Variants in ZNF365 observed in about 807,000 individuals in gnomAD.
The protein encoded by ZNF365 is zinc finger protein 365.
A neutral mutation model predicts 35.0 loss-of-function variants in ZNF365; 22 were observed. That is an observed-to-expected ratio of 0.63 (90% CI 0.45 to 0.90). The LOEUF is 0.90. ZNF365 is among the 40% of genes least tolerant of loss of function. The probability of loss-of-function intolerance (pLI) is 0.00; values close to 1 mark genes in which losing one functional copy is unlikely to be tolerated. For missense variants in ZNF365, 448 were observed against 500.3 expected, an observed-to-expected ratio of 0.90 and a Z score of 1.00; for synonymous variants, 188 against 196.2, an observed-to-expected ratio of 0.96 and a Z score of 0.35.
intron 3 of ZNF365, among the ~76,000 whole-genome samples, chr10:62,420,973 G>GT (rs34084544): frequency 0.16 from 21,788 of 140,188 alleles, 1,816 homozygotes; most frequent in African/African-American, 0.24. Context: ...TGTAGAGATG[G>GT]TTTTTTTTTT....
chr10:62,461,130 C>T (rs1037136168), intron 4 of ZNF365, among the ~76,000 whole-genome samples: 1 of 152,190 alleles, frequency 6.6e-6, no homozygotes, highest in African/African-American at 2.4e-5. Context: ...CCATAACTAA[C>T]AGAATCTTCT....
At chr10:62,407,108 G>A (rs183094791), downstream of ZNF365, among the ~76,000 whole-genome samples, 67 of 152,314 alleles carry the variant, frequency 4.4e-4, no homozygotes, top group African/African-American at 1.5e-3. Flanking sequence ...CCACAAACTG[G>A]CTGTCACTCC....
downstream of ZNF365, among the ~76,000 whole-genome samples, chr10:62,404,671 G>A (rs1054003288): frequency 1.3e-5 from 2 of 152,138 alleles, no homozygotes; most frequent in Non-Finnish European, 2.9e-5. Context: ...CGACTCCTGC[G>A]TAATTCAAAA....
In ZNF365 at chr10:62,376,573, A is replaced by C. The variant is rs1170598738; in HGVS notation, c.380A>C (p.Gln127Pro). The C allele has an allele frequency of 6.2e-7, 1 of 1,614,116 alleles. No homozygotes were observed. Among genetic ancestry groups the C allele is most frequent in the Admixed American group, 1.7e-5 (1 of 60,026 alleles). Reference protein sequence around the residue: ...VVAERPVSYVQTYTAMDLHAD... With the variant: ...VVAERPVSYVPTYTAMDLHAD... ...GCAGAGAGGCCTGTGTCCTATGTGC[A>C]GACCTACACTGCCATGGACCTCCAT... Residue 127 changes from glutamine (Q) to proline (P), a missense_variant, in exon 2 of 5, where the codon CAG (glutamine) becomes CCG (proline). Gln to Pro is a moderately conservative substitution (Grantham distance 76). Around this residue, in one of 3 missense-constraint regions of ZNF365, gnomAD observed 362 missense variants for 375.7 expected, o/e 0.96. Transcript: ENST00000395254.
At chr10:62,446,670 A>G (rs1383989668) in intron 3 of ZNF365, among the ~76,000 whole-genome samples, 1 of 152,162 alleles carries the variant, frequency 6.6e-6, no homozygotes. Flanking sequence ...GAATGGCTAT[A>G]AAATTTTGGG....
intron 3 of ZNF365, among the ~76,000 whole-genome samples, chr10:62,430,725 C>A (rs559643348): frequency 6.6e-6 from 1 of 152,092 alleles, no homozygotes; most frequent in African/African-American, 2.4e-5. Flanking sequence ...GAGAAAGAGA[C>A]GAAAGAGACA....
Position 62,376,415 on chromosome 10 carries a change from C to A in ZNF365, c.222C>A (p.Val74=), listed in dbSNP as rs748435107. 6.2e-7 allele frequency: 1 copy of A among 1,614,178 alleles called. No individual in the cohort carries two copies. Among genetic ancestry groups the A allele is most frequent in the African/African-American group, 1.3e-5 (1 of 75,046 alleles). The change falls in exon 2 of 5, where the codon GTC becomes GTA. Residue 74 remains valine, a synonymous_variant. Coordinates refer to ENST00000395254, the MANE Select transcript of ZNF365 (RefSeq NM_014951.3). ...CATCCCTCAAAGACACAGACCTAGT[C>A]ACTTCCTCAGAACTCCTGAAACCGG... is the stretch of plus-strand genomic sequence containing the variant. ...LFPSLKDTDL[V]TSSELLKPGK...
At chr10:62,418,099 C>G (rs1840103344) in intron 3 of ZNF365, among the ~76,000 whole-genome samples, 1 of 151,494 alleles carries the variant, frequency 6.6e-6, no homozygotes. Context: ...GCACAAACAA[C>G]TAAAGGAATA....
chr10:62,460,768 G>A (rs1030041028), intron 4 of ZNF365, among the ~76,000 whole-genome samples: 2 of 152,202 alleles, frequency 1.3e-5, no homozygotes, highest in Non-Finnish European at 2.9e-5. Context: ...ATGTGGAAAT[G>A]TATGGGGAGG....
chr10:62,438,495 GT>G (rs1227496232), intron 3 of ZNF365, among the ~76,000 whole-genome samples: 1 of 151,898 alleles, frequency 6.6e-6, no homozygotes, highest in Admixed American at 6.6e-5. Flanking sequence ...GCCACATAGA[GT>G]TTTTATTGAA....
At chr10:62,382,806 G>A (rs1226546696) in intron 2 of ZNF365, among the ~76,000 whole-genome samples, 1 of 152,210 alleles carries the variant, frequency 6.6e-6, no homozygotes, top group Non-Finnish European at 1.5e-5. Context: ...TGTGGTTGAC[G>A]TTATGGTCTG....
At chr10:62,411,615 C>G (rs1839986427) in intron 3 of ZNF365, among the ~76,000 whole-genome samples, 1 of 152,038 alleles carries the variant, frequency 6.6e-6, no homozygotes, top group African/African-American at 2.4e-5. Context: ...TCTGAGTTCT[C>G]TATTCTGTTC....
chr10:62,478,669 G>A (rs1048883236), intron 4 of ZNF365, among the ~76,000 whole-genome samples: 2 of 152,196 alleles, frequency 1.3e-5, no homozygotes, highest in Non-Finnish European at 2.9e-5. Flanking sequence ...CGCCTCCTGG[G>A]TTCATGCCAT....
chr10:62,391,207 T>A (rs1564570806), intron 3 of ZNF365, among the ~76,000 whole-genome samples: 2 of 152,240 alleles, frequency 1.3e-5, no homozygotes, highest in Admixed American at 6.5e-5. Flanking sequence ...CAATAATATT[T>A]TCTTTTTTAA....
chr10:62,428,058 T>A (rs578162413), intron 3 of ZNF365, among the ~76,000 whole-genome samples: 1 of 152,318 alleles, frequency 6.6e-6, no homozygotes, highest in African/African-American at 2.4e-5. Flanking sequence ...AGTTTTTGTA[T>A]CATTTTTTAC....
intron 4 of ZNF365, among the ~76,000 whole-genome samples, chr10:62,461,610 G>T (rs1172197004): frequency 6.6e-6 from 1 of 152,198 alleles, no homozygotes; most frequent in Non-Finnish European, 1.5e-5. Flanking sequence ...GGATGTAGCT[G>T]CTCAATAAGG....
At chr10:62,385,879 G>A (rs1229033680) in intron 2 of ZNF365, among the ~76,000 whole-genome samples, 1 of 152,006 alleles carries the variant, frequency 6.6e-6, no homozygotes, top group Non-Finnish European at 1.5e-5. Flanking sequence ...AATATTGACC[G>A]AAATGAATTT....
intron 3 of ZNF365, among the ~76,000 whole-genome samples, chr10:62,394,009 C>CTATG (rs1839680097): frequency 6.6e-6 from 1 of 152,212 alleles, no homozygotes; most frequent in Non-Finnish European, 1.5e-5. Context: ...CACATTATGA[C>CTATG]ACAGTCTGCA....
At chr10:62,450,091 G>A (rs553021859) in intron 3 of ZNF365, among the ~76,000 whole-genome samples, 3 of 152,034 alleles carry the variant, frequency 2.0e-5, no homozygotes, top group African/African-American at 7.2e-5. Context: ...GGGCAACATA[G>A]CAAGATCCCC....
Sources: allele counts gnomAD v4.1 joint callset (sites outside exome capture counted in the v4.1 genomes callset), GRCh38; gene constraint gnomAD v4.1.1; regional missense constraint gnomAD v4.1.1; transcripts MANE v1.5; gene names NCBI Gene and HGNC (gene_info 2026-07-23, HGNC 2026-07-21).